Variants in EMILIN2 observed in about 807,000 individuals in gnomAD.
The protein encoded by EMILIN2 is EMILIN-2.
In EMILIN2, 71 loss-of-function variants were observed where a neutral mutation model predicts 87.1. That is an observed-to-expected ratio of 0.82 (90% CI 0.67 to 0.99). The LOEUF (loss-of-function observed/expected upper bound fraction) is 0.99, where lower values mean the gene tolerates loss of function less well. EMILIN2 is among the 50% of genes least tolerant of loss of function. EMILIN2 has a pLI of 0.00. For synonymous variants in EMILIN2, 581 were observed against 563.4 expected (o/e 1.03, Z -0.44); for missense variants, 1,407 against 1,371.8 (o/e 1.03, Z -0.40).
rs1198593305 is a variant in EMILIN2, at chr18:2,891,528, T to C, written c.1401T>C (p.His467=). 3 of 1,614,064 alleles carry C rather than the reference T, an allele frequency of 1.9e-6. No individual in the cohort carries two copies. The highest frequency in any genetic ancestry group is 4.5e-5 in the East Asian group (2 of 44,900). ...INVTEKNAEE[H]CFYIEETLRG... is the part of the protein sequence containing the mutation. ...TGACGGAGAAGAACGCTGAAGAACA[T>C]TGCTTTTACATTGAGGAAACCCTTC... Residue 467 remains histidine, a synonymous_variant, in exon 4 of 8, where the codon CAT becomes CAC. Coordinates refer to ENST00000254528, the MANE Select transcript of EMILIN2 (RefSeq NM_032048.3). The surrounding 1 kb of genome is among the most constrained non-coding windows in gnomAD (Gnocchi z 4.6).
At position 2,913,048 on chromosome 18, in the gene EMILIN2, T is replaced by A. The variant is rs760782367; in HGVS notation, c.2825-19T>A. The A allele has an allele frequency of 2.0e-5, 32 of 1,604,088 alleles. No homozygotes were observed. Among genetic ancestry groups the A allele is most frequent in the Non-Finnish European group, 2.6e-5 (31 of 1,179,622 alleles). On this transcript the variant is annotated intron_variant, in intron 7 of 7. Coordinates refer to ENST00000254528, the MANE Select transcript of EMILIN2 (RefSeq NM_032048.3). ...GTGACGACAGCAGGTGAGCACAGGG[T>A]TTGCCTTTCTCCCCGCAGGGGTCTT...
chr18:2,912,403 G>A (rs1249778318), intron 7 of EMILIN2, among the ~76,000 whole-genome samples: 2 of 152,094 alleles, frequency 1.3e-5, no homozygotes, highest in Non-Finnish European at 2.9e-5. Flanking sequence ...TGTTGTCAGC[G>A]GCAAGGTCCG....
Position 2,890,438 on chromosome 18 carries a change from A to G in EMILIN2, c.434-123A>G. The stretch of plus-strand genomic sequence containing the variant: ...TACTGTACCACAGTACTTACCTACA[A>G]TTGTGTAGTGACCTGTAAGTGAAGA... On this transcript the variant is annotated intron_variant, in intron 3 of 7. Transcript: ENST00000254528. The surrounding 1 kb of genome is among the most constrained non-coding windows in gnomAD (Gnocchi z 4.7). 8.4e-7 allele frequency: 1 copy of G among 1,195,568 alleles called. No homozygotes were observed. The highest frequency in any genetic ancestry group is 1.2e-6 in the Non-Finnish European group (1 of 859,766). The allele number at this position is 1,195,568 out of a possible 1,614,324, so 74.1% of individuals were successfully genotyped here.
At chr18:2,865,054 G>T (rs2076679743) in intron 2 of EMILIN2, among the ~76,000 whole-genome samples, 1 of 152,092 alleles carries the variant, frequency 6.6e-6, no homozygotes, top group African/African-American at 2.4e-5. Context: ...TTGTGCTGTG[G>T]TTTTCAGCTC....
At chr18:2,852,896 G>C (rs146941457) in intron 2 of EMILIN2, among the ~76,000 whole-genome samples, 11 of 152,300 alleles carry the variant, frequency 7.2e-5, no homozygotes, top group African/African-American at 2.4e-4. Context: ...CTCTCTCTGT[G>C]TCTCTCTCTA....
At chr18:2,846,977 G>A (rs1372038489), upstream of EMILIN2, 1 of 1,004,860 alleles carries the variant, frequency 1.0e-6, no homozygotes, top group Non-Finnish European at 1.2e-6. The surrounding 1 kb of genome is among the most constrained non-coding windows in gnomAD (Gnocchi z 5.3). Context: ...TTGAGGGACC[G>A]GGGAGAAGCG....
intron 4 of EMILIN2, among the ~76,000 whole-genome samples, chr18:2,905,381 G>GATAT (rs199920595): frequency 6.7e-6 from 1 of 149,890 alleles, no homozygotes; most frequent in East Asian, 2.0e-4. Context: ...GTACAGAGTA[G>GATAT]ATATATATAT....
chr18:2,908,761 T>C (rs1043495800), intron 5 of EMILIN2, among the ~76,000 whole-genome samples, 182 bp from the exon 6 acceptor site: 3 of 152,182 alleles, frequency 2.0e-5, no homozygotes, highest in African/African-American at 7.2e-5. Context: ...AGGGACGGGC[T>C]GGTACAAATG....
chr18:2,910,491 G>C (rs2076935483), intron 7 of EMILIN2, among the ~76,000 whole-genome samples: 1 of 152,192 alleles, frequency 6.6e-6, no homozygotes, highest in South Asian at 2.1e-4. Context: ...CAGCTCCAAG[G>C]AAACAGGGTC....
At position 2,891,803 on chromosome 18, in the gene EMILIN2, G is replaced by A. The variant is rs1214504772; in HGVS notation, c.1676G>A (p.Gly559Glu). 1.9e-6 allele frequency: 3 copies of A among 1,614,104 alleles called. No individual in the cohort carries two copies. In the African/African-American group the frequency reaches 4.0e-5, roughly 22 times the overall value. The change falls in exon 4 of 8, where the codon GGA becomes GAA. Residue 559 changes from glycine (G) to glutamate (E), a missense_variant. Physicochemically the swap from Gly to Glu is moderately conservative, Grantham distance 98. Transcript: ENST00000254528. The surrounding 1 kb of genome is among the most constrained non-coding windows in gnomAD (Gnocchi z 4.6). The part of the protein sequence containing the change: ...VEDICLLNIQ[G>E]KPHGMEGALP... ...GACATTTGCCTGCTGAACATCCAGG[G>A]AAAGCCTCATGGGATGGAAGGTGCC...
intron 2 of EMILIN2, among the ~76,000 whole-genome samples, chr18:2,865,623 G>T (rs1010357179): frequency 3.3e-5 from 5 of 152,194 alleles, no homozygotes; most frequent in South Asian, 2.1e-4. Flanking sequence ...TGCCCCTACT[G>T]GGGGGTGCCT....
At chr18:2,909,019 G>T (rs201465429) in intron 6 of EMILIN2, 44 bp downstream of exon 6, 16 of 1,610,680 alleles carry the variant, frequency 9.9e-6, no homozygotes, top group Non-Finnish European at 1.1e-5. Flanking sequence ...CGGTCTCCTT[G>T]GTGGCCTCTG....
At chr18:2,884,407 G>A (rs1454690827) in intron 2 of EMILIN2, among the ~76,000 whole-genome samples, 1 of 109,786 alleles carries the variant, frequency 9.1e-6, no homozygotes, top group Non-Finnish European at 2.2e-5. Context: ...CACAACACCT[G>A]GCTAAGTTTC....
At chr18:2,908,235 C>T (rs1193474951) in intron 5 of EMILIN2, among the ~76,000 whole-genome samples, 7 of 152,226 alleles carry the variant, frequency 4.6e-5, no homozygotes, top group East Asian at 3.8e-4. Context: ...CGCACCCTTC[C>T]GTGCATGCAG....
intron 2 of EMILIN2, among the ~76,000 whole-genome samples, chr18:2,853,700 A>G (rs968909734): frequency 6.6e-6 from 1 of 151,636 alleles, no homozygotes; most frequent in Admixed American, 6.6e-5. Flanking sequence ...CAAGCCTCGC[A>G]CTCCTCCCGC....
chr18:2,847,402 A>C lies in EMILIN2; in HGVS notation c.134+80A>C. The C allele has an allele frequency of 8.2e-7, 1 of 1,217,524 alleles. No homozygotes were observed. Among genetic ancestry groups the C allele is most frequent in the Non-Finnish European group, 1.0e-6 (1 of 971,004 alleles). The allele number at this position is 1,217,524 out of a possible 1,614,324, so 75.4% of individuals were successfully genotyped here. A position where few individuals can be genotyped will look rare whatever the true frequency, so the allele number is the denominator to read the frequency against. ...GTTGAGCCCCAGAGCTGCCCTGCCA[A>C]AGACGACGAGCGGCAGCCGGGGGCC... On this transcript the variant is annotated intron_variant, in intron 1 of 7. Coordinates refer to ENST00000254528, the MANE Select transcript of EMILIN2 (RefSeq NM_032048.3). The surrounding 1 kb of genome is among the most constrained non-coding windows in gnomAD (Gnocchi z 4.5).
intron 3 of EMILIN2, among the ~76,000 whole-genome samples, chr18:2,888,222 TTC>T (rs2076812377): frequency 6.6e-6 from 1 of 152,234 alleles, no homozygotes; most frequent in African/African-American, 2.4e-5. Context: ...GGTCAAAAGA[TTC>T]TGAGTATTTT....
chr18:2,850,074 G>A (rs7243092), intron 2 of EMILIN2, among the ~76,000 whole-genome samples: 4,707 of 148,988 alleles, frequency 0.032, 263 homozygotes, highest in African/African-American at 0.11. Context: ...CTACAGGTGT[G>A]TGCCACCATG....
At chr18:2,846,698 C>T, upstream of EMILIN2, 5 of 971,438 alleles carry the variant, frequency 5.1e-6, no homozygotes, top group Non-Finnish European at 6.1e-6. This position sits in a 1 kb window ranked among gnomAD's most constrained non-coding sequence, Gnocchi z 5.3. Context: ...GCCAGACTCG[C>T]CGACGGCGGC....
Sources: allele counts gnomAD v4.1 joint callset (sites outside exome capture counted in the v4.1 genomes callset), GRCh38; gene constraint gnomAD v4.1.1; non-coding constraint Gnocchi (gnomAD v3.1); transcripts MANE v1.5; gene names NCBI Gene and HGNC (gene_info 2026-07-23, HGNC 2026-07-21).